The following PRKN variants were observed in gnomAD, a reference collection of about 807,000 sequenced individuals.
PRKN encodes parkin RBR E3 ubiquitin protein ligase, also known as E3 ubiquitin-protein ligase parkin.
Under a neutral mutation model 59.5 loss-of-function variants are expected in PRKN, and 56 were observed. That is an observed-to-expected ratio of 0.94 (90% CI 0.76 to 1.18). The LOEUF (loss-of-function observed/expected upper bound fraction) is 1.18. PRKN is among the 50% of genes most tolerant of loss of function. The pLI, the probability that PRKN is intolerant of heterozygous loss-of-function variation, is 0.00. For synonymous variants in PRKN, 250 were observed against 222.1 expected (o/e 1.13, Z -1.12); for missense variants, 657 against 596.4 (o/e 1.10, Z -1.06).
intron 1 of PRKN, among the ~76,000 whole-genome samples, chr6:162,647,584 T>C (rs1015740719): frequency 1.3e-5 from 2 of 152,146 alleles, no homozygotes; most frequent in African/African-American, 2.4e-5. Context: ...TAATAATATA[T>C]AGAAGCTACC....
intron 3 of PRKN, among the ~76,000 whole-genome samples, chr6:162,235,954 A>AAGGAAGGAAGGAAGG (rs1562602190): frequency 2.6e-5 from 2 of 77,094 alleles, no homozygotes; most frequent in Admixed American, 1.4e-4. Context: ...AGGAAGGAAG[A>AAGGAAGGAAGGAAGG]AAGGAAGAAA....
rs1785803163 is a variant in PRKN at position 161,378,144 on chromosome 6, G to C, written c.1167+8650C>G. ...TAAGACAAGGAGCTCTGCAGAGCAG[G>C]CACGTGGACAGACCCATGGGAGGGG... On this transcript the variant is annotated intron_variant, in intron 10 of 11. Coordinates refer to ENST00000366898, the MANE Select transcript of PRKN (RefSeq NM_004562.3). This position sits in a 1 kb window ranked among gnomAD's most constrained non-coding sequence, Gnocchi z 7.3. 6.6e-6 allele frequency among the ~76,000 whole-genome samples: 1 copy of C among 152,160 alleles called. No individual in the cohort carries two copies. Among genetic ancestry groups the C allele is most frequent in the Non-Finnish European group, 1.5e-5 (1 of 68,034 alleles).
chr6:161,429,144 C>A lies in PRKN; in HGVS notation c.1084-42267G>T, dbSNP rs1788532019. Among the ~76,000 whole-genome samples, 1 of 152,200 alleles carries A rather than the reference C, an allele frequency of 6.6e-6. No homozygotes were observed. On this transcript the variant is annotated intron_variant, in intron 9 of 11. Coordinates refer to ENST00000366898, the MANE Select transcript of PRKN (RefSeq NM_004562.3). The surrounding 1 kb of genome is among the most constrained non-coding windows in gnomAD (Gnocchi z 4.2). The stretch of plus-strand genomic sequence containing the variant: ...ATTCACCTTTCCTTCAGAGTGAATG[C>A]TCCTATCACCTATATCACACTTCAT...
At chr6:161,686,855 C>CA (rs1451377698) in intron 7 of PRKN, among the ~76,000 whole-genome samples, 35 of 152,234 alleles carry the variant, frequency 2.3e-4, no homozygotes. Flanking sequence ...TCCATGGCCC[C>CA]ACACTGCACA....
At chr6:161,864,320 G>C (rs2128225338) in intron 6 of PRKN, among the ~76,000 whole-genome samples, 1 of 152,276 alleles carries the variant, frequency 6.6e-6, no homozygotes, top group East Asian at 1.9e-4. Flanking sequence ...ACCAGGAGTA[G>C]ATTCCATCTC....
rs1323384955 is a variant in PRKN at position 161,451,730 on chromosome 6, A to C, written c.1084-64853T>G. Among the ~76,000 whole-genome samples, 3 of 152,210 alleles carry C rather than the reference A, an allele frequency of 2.0e-5. No individual in the cohort carries two copies. Among genetic ancestry groups the C allele is most frequent in the African/African-American group, 7.2e-5 (3 of 41,452 alleles). On this transcript the variant is annotated intron_variant, in intron 9 of 11. Transcript: ENST00000366898. The surrounding 1 kb of genome is among the most constrained non-coding windows in gnomAD (Gnocchi z 5.9). The stretch of plus-strand genomic sequence containing the variant: ...GCGTCATTTGCAAGCTTGGGTGGAC[A>C]GGCAGCTGCCAACAGTGACAGCAGG...
intron 4 of PRKN, among the ~76,000 whole-genome samples, chr6:162,151,526 A>C (rs1214172365): frequency 1.3e-5 from 2 of 152,214 alleles, no homozygotes; most frequent in African/African-American, 4.8e-5. Context: ...TAGCCTATAG[A>C]AATCTCTCAT....
intron 6 of PRKN, among the ~76,000 whole-genome samples, chr6:161,861,533 G>A (rs777376985): frequency 2.0e-5 from 3 of 150,522 alleles, no homozygotes; most frequent in Non-Finnish European, 4.4e-5. Context: ...CATGGCAAAT[G>A]TATACCTATG....
At chr6:161,892,973 G>A (rs1427149437) in intron 6 of PRKN, among the ~76,000 whole-genome samples, 3 of 152,134 alleles carry the variant, frequency 2.0e-5, no homozygotes, top group Admixed American at 2.0e-4. Flanking sequence ...CTCCCGAGTA[G>A]CTGGGATAAC....
intron 3 of PRKN, among the ~76,000 whole-genome samples, chr6:162,222,838 C>CT (rs574994617): frequency 1.2e-4 from 18 of 151,756 alleles, no homozygotes; most frequent in East Asian, 1.9e-4. Context: ...TGTTAGTTTT[C>CT]TTTTTTTTAA....
intron 5 of PRKN, among the ~76,000 whole-genome samples, chr6:162,012,428 T>C (rs1782766723): frequency 6.6e-6 from 1 of 151,938 alleles, no homozygotes. Context: ...TAACTATATA[T>C]AATGTACATT....
chr6:161,409,131 A>G lies in PRKN; in HGVS notation c.1084-22254T>C, dbSNP rs1317670656. ...CAGCTAATTTTTGTACTTTTAGTAG[A>G]GATGGGGTTTCACCATATTGGCCAG... On this transcript the variant is annotated intron_variant, in intron 9 of 11. Transcript: ENST00000366898. The surrounding 1 kb of genome is among the most constrained non-coding windows in gnomAD (Gnocchi z 4.6). Among the ~76,000 whole-genome samples the G allele has an allele frequency of 6.6e-6, 1 of 152,090 alleles. No individual in the cohort carries two copies. The highest frequency in any genetic ancestry group is 2.4e-5 in the African/African-American group (1 of 41,408).
At chr6:161,950,359 A>G (rs1407763665) in intron 6 of PRKN, among the ~76,000 whole-genome samples, 1 of 152,126 alleles carries the variant, frequency 6.6e-6, no homozygotes, top group Non-Finnish European at 1.5e-5. Flanking sequence ...AGCCTGGCCA[A>G]TAAGACGAAA....
rs528830675 is a variant in PRKN, at chr6:162,120,208, T to G, written c.535-66034A>C. On this transcript the variant is annotated intron_variant, in intron 4 of 11. Transcript: ENST00000366898. ...TTGCAGAGACAAGGTTTCACCCTGTTGCTAAGGCTGGTATGGAACTCCTGG... is the reference window on the plus strand; with the variant it reads ...TTGCAGAGACAAGGTTTCACCCTGTGGCTAAGGCTGGTATGGAACTCCTGG... Among the ~76,000 whole-genome samples, 25 of 152,308 alleles carry G rather than the reference T, an allele frequency of 1.6e-4. 1 individual carries two copies. In the East Asian group the frequency reaches 4.8e-3, roughly 29 times the overall value.
chr6:162,399,105 C>T (rs1787632348), intron 2 of PRKN, among the ~76,000 whole-genome samples: 1 of 152,102 alleles, frequency 6.6e-6, no homozygotes, highest in African/African-American at 2.4e-5. Flanking sequence ...TTTTCTCTCA[C>T]CAAGGAACAA....
chr6:161,411,505 G>A (rs898046383), intron 9 of PRKN, among the ~76,000 whole-genome samples: 3 of 152,166 alleles, frequency 2.0e-5, no homozygotes, highest in African/African-American at 4.8e-5. Context: ...AGCAGTGTGA[G>A]AACAGACTAA....
Position 161,545,347 on chromosome 6 carries a change from C to T in PRKN, c.1083+3507G>A. ...CTGGAACTCTGTAATTCTTCTATAG[C>T]TTTGCTACCAATGACTTTTCCTTGA... On this transcript the variant is annotated intron_variant, in intron 9 of 11. Transcript: ENST00000366898. The surrounding 1 kb of genome is among the most constrained non-coding windows in gnomAD (Gnocchi z 4.1). 1 of 1,606,738 alleles carries T rather than the reference C, an allele frequency of 6.2e-7. No homozygotes were observed. The highest frequency in any genetic ancestry group is 8.5e-7 in the Non-Finnish European group (1 of 1,176,608).
intron 1 of PRKN, among the ~76,000 whole-genome samples, chr6:162,624,039 G>C (rs779792445): frequency 3.9e-5 from 6 of 151,918 alleles, no homozygotes; most frequent in African/African-American, 1.5e-4. Flanking sequence ...ACCTGAGGTC[G>C]GGAGGTCGAG....
rs572466927 is a variant in PRKN at position 161,376,270 on chromosome 6, C to G, written c.1167+10524G>C. On this transcript the variant is annotated intron_variant, in intron 10 of 11. Transcript: ENST00000366898. The surrounding 1 kb of genome is among the most constrained non-coding windows in gnomAD (Gnocchi z 7.3). ...GAGATTGTCAGTCTTGCATCTTGAT[C>G]GCTGGCTCCAGCCTGGATTCTCCTC... Among the ~76,000 whole-genome samples, 1 of 152,078 alleles carries G rather than the reference C, an allele frequency of 6.6e-6. No homozygotes were observed. Among genetic ancestry groups the G allele is most frequent in the Non-Finnish European group, 1.5e-5 (1 of 68,024 alleles).
Sources: allele counts gnomAD v4.1 joint callset (sites outside exome capture counted in the v4.1 genomes callset), GRCh38; gene constraint gnomAD v4.1.1; non-coding constraint Gnocchi (gnomAD v3.1); transcripts MANE v1.5; gene names NCBI Gene and HGNC (gene_info 2026-07-23, HGNC 2026-07-21).